The following LSAMP variants were observed in gnomAD, a reference collection of about 807,000 sequenced individuals.
LSAMP encodes limbic system-associated membrane protein.
LSAMP carries 7 observed loss-of-function variants against 38.6 expected under a neutral mutation model. The ratio of observed to expected loss-of-function variants is 0.18; its 90% confidence interval spans 0.10 to 0.34. The LOEUF (loss-of-function observed/expected upper bound fraction) is 0.34, where lower values mean the gene tolerates loss of function less well. Ranked by LOEUF, LSAMP falls within the 10% of genes least tolerant of loss-of-function variation. The probability of loss-of-function intolerance (pLI) is 1.00; values close to 1 mark genes in which losing one functional copy is unlikely to be tolerated. For missense variants in LSAMP, 313 were observed against 420.0 expected (o/e 0.75, Z 2.23); for synonymous variants, 154 against 166.8 (o/e 0.92, Z 0.59).
chr3:115,853,666 G>A (rs946380923), intron 3 of LSAMP, among the ~76,000 whole-genome samples: 1 of 152,120 alleles, frequency 6.6e-6, no homozygotes, highest in South Asian at 2.1e-4. Flanking sequence ...AAAGAGAAGA[G>A]GAAATGAGAT....
At chr3:116,099,597 C>T (rs935647553) in intron 1 of LSAMP, among the ~76,000 whole-genome samples, 3 of 152,180 alleles carry the variant, frequency 2.0e-5, no homozygotes, top group African/African-American at 7.2e-5. Flanking sequence ...CTCTGTCTGG[C>T]TCTATCATGG....
chr3:116,015,687 T>C (rs6438296), intron 3 of LSAMP, among the ~76,000 whole-genome samples: 58,008 of 152,010 alleles, frequency 0.38, 11,150 homozygotes, highest in Admixed American at 0.41. Context: ...TCTTCTAATT[T>C]ACCTTAAGCA....
chr3:116,420,056 C>G (rs1380481407), intron 1 of LSAMP, among the ~76,000 whole-genome samples: 2 of 151,994 alleles, frequency 1.3e-5, no homozygotes, highest in African/African-American at 4.8e-5. Flanking sequence ...TTATAGCTAC[C>G]TGTGCCTAGC....
intron 3 of LSAMP, among the ~76,000 whole-genome samples, chr3:115,998,191 T>C (rs1939883117): frequency 6.6e-6 from 1 of 151,624 alleles, no homozygotes; most frequent in South Asian, 2.1e-4. Flanking sequence ...GGTGGGGTGA[T>C]AGAGAGTGAC....
At chr3:116,440,438 C>T (rs553125609) in intron 1 of LSAMP, among the ~76,000 whole-genome samples, 2 of 152,272 alleles carry the variant, frequency 1.3e-5, no homozygotes, top group South Asian at 4.1e-4. Context: ...TGGTTCTTTC[C>T]ACAATTCTAC....
chr3:115,931,189 G>C lies in LSAMP; in HGVS notation c.515-78572C>G, dbSNP rs143252632. Among the ~76,000 whole-genome samples, 476 of 152,204 alleles carry C rather than the reference G, an allele frequency of 3.1e-3. 3 individuals carry two copies. The highest frequency in any genetic ancestry group is 0.011 in the African/African-American group (441 of 41,534). The stretch of plus-strand genomic sequence containing the variant: ...GAGAGCTCATTACTAACCCAGAGGA[G>C]AGAACTGACGCCAACACCCACAGCA... On this transcript the variant is annotated intron_variant, in intron 3 of 6. Coordinates refer to ENST00000490035, the MANE Select transcript of LSAMP (RefSeq NM_002338.5).
At chr3:116,101,740 GC>G (rs748110072) in intron 1 of LSAMP, among the ~76,000 whole-genome samples, 11 of 151,996 alleles carry the variant, frequency 7.2e-5, no homozygotes, top group Non-Finnish European at 1.6e-4. Context: ...AGGGGAAACT[GC>G]ATAACTCAAA....
intron 1 of LSAMP, among the ~76,000 whole-genome samples, chr3:116,287,362 T>C (rs556039248): frequency 3.5e-4 from 53 of 152,266 alleles, no homozygotes; most frequent in Non-Finnish European, 6.3e-4. Flanking sequence ...CTCCCAAGCA[T>C]GAAGACTTAA....
chr3:115,930,099 T>C (rs1242663924), intron 3 of LSAMP, among the ~76,000 whole-genome samples: 1 of 145,880 alleles, frequency 6.9e-6, no homozygotes, highest in Non-Finnish European at 1.5e-5. Context: ...GGATTAGCTA[T>C]ATAACCAGTG....
At chr3:116,170,623 C>G (rs1710173887) in intron 1 of LSAMP, among the ~76,000 whole-genome samples, 1 of 152,024 alleles carries the variant, frequency 6.6e-6, no homozygotes, top group Admixed American at 6.6e-5. Context: ...AACCCTCAGT[C>G]TGGAAAGGGG....
At chr3:116,160,438 G>A (rs1192643856) in intron 1 of LSAMP, among the ~76,000 whole-genome samples, 1 of 149,772 alleles carries the variant, frequency 6.7e-6, no homozygotes, top group Non-Finnish European at 1.5e-5. Context: ...GAGGGAGAAA[G>A]GAAGGAAGGA....
chr3:116,197,163 A>ACACACACACTCTCTCTCTCTCTCTCT (rs1268040540), intron 1 of LSAMP, among the ~76,000 whole-genome samples: 3 of 139,088 alleles, frequency 2.2e-5, no homozygotes, highest in African/African-American at 7.8e-5. Flanking sequence ...ACACACACAC[A>ACACACACACTCTCTCTCTCTCTCTCT]CTCTCTCTCT....
chr3:115,851,072 C>T (rs1270979543), intron 4 of LSAMP, among the ~76,000 whole-genome samples: 4 of 152,126 alleles, frequency 2.6e-5, no homozygotes, highest in African/African-American at 9.7e-5. Flanking sequence ...CTTCTGGGTT[C>T]AAGTGATTCT....
intron 1 of LSAMP, among the ~76,000 whole-genome samples, chr3:116,441,190 T>C (rs1366446303): frequency 6.6e-6 from 1 of 152,220 alleles, no homozygotes; most frequent in Non-Finnish European, 1.5e-5. Flanking sequence ...CTGGGAACAA[T>C]GTTATTATCA....
At chr3:116,233,134 T>C (rs779252219) in intron 1 of LSAMP, among the ~76,000 whole-genome samples, 33 of 151,898 alleles carry the variant, frequency 2.2e-4, no homozygotes, top group Non-Finnish European at 4.1e-4. Context: ...CAAGAAAAAA[T>C]GTGCAGGCAC....
chr3:116,407,119 C>T (rs1399358904), intron 1 of LSAMP, among the ~76,000 whole-genome samples: 1 of 151,992 alleles, frequency 6.6e-6, no homozygotes, highest in Non-Finnish European at 1.5e-5. Flanking sequence ...CCAAGCATAT[C>T]TGTCTGTGAA....
At chr3:116,223,899 C>A (rs941587809) in intron 1 of LSAMP, among the ~76,000 whole-genome samples, 52 of 152,126 alleles carry the variant, frequency 3.4e-4, no homozygotes, top group African/African-American at 1.1e-3. Flanking sequence ...ATTGCTGATA[C>A]TTTCACAGCT....
chr3:116,272,131 C>CAGTTCCATAAACAAATAAATATATATATA (rs2046982288), intron 1 of LSAMP, among the ~76,000 whole-genome samples: 1 of 151,158 alleles, frequency 6.6e-6, no homozygotes, highest in Non-Finnish European at 1.5e-5. Flanking sequence ...CACTAAATTA[C>CAGTTCCATAAACAAATAAATATATATATA]AGTTCCATAA....
chr3:116,434,481 A>T (rs1046835921), intron 1 of LSAMP, among the ~76,000 whole-genome samples: 5 of 152,176 alleles, frequency 3.3e-5, no homozygotes, highest in Admixed American at 2.0e-4. Flanking sequence ...ATTTAGGAGG[A>T]TTTCCTGAAT....
Sources: gnomAD v4.1 joint callset for allele counts (sites outside exome capture counted in the v4.1 genomes callset) on GRCh38, gnomAD v4.1.1 for gene constraint, MANE v1.5 for transcripts, NCBI Gene and HGNC (gene_info 2026-07-23, HGNC 2026-07-21) for gene names.